The following C16orf46 variants were observed in gnomAD, a reference collection of about 807,000 sequenced individuals.
C16orf46 encodes the protein chromosome 16 open reading frame 46, also known as uncharacterized protein C16orf46.
In C16orf46, 7 loss-of-function variants were observed where a neutral mutation model predicts 5.5. The ratio of observed to expected loss-of-function variants is 1.28; its 90% CI spans 0.73 to 2.40. The LOEUF is 2.40. Among genes scored for constraint, C16orf46 ranks in the 30% most tolerant of loss-of-function variants. The pLI is 0.00. For missense variants in C16orf46, 614 were observed against 476.0 expected, an observed-to-expected ratio of 1.29 and a Z score of -2.70; for synonymous variants, 200 against 184.1, an observed-to-expected ratio of 1.09 and a Z score of -0.70.
At chr16:81,057,695 T>TTGTTGG (rs1166900047), downstream of C16orf46, among the ~76,000 whole-genome samples, 13 of 151,730 alleles carry the variant, frequency 8.6e-5, no homozygotes, top group Admixed American at 8.5e-4. Context: ...GTTGTTGTTG[T>TTGTTGG]TTTTCACATT....
In C16orf46 at chr16:81,061,768, T is replaced by G; in HGVS notation, c.581A>C (p.His194Pro). The change falls in exon 4 of 4, where the codon CAC becomes CCC. Residue 194 changes from histidine (H) to proline (P), a missense_variant. Physicochemically the swap from His to Pro is moderately conservative, Grantham distance 77. Coordinates refer to ENST00000299578, the MANE Select transcript of C16orf46 (RefSeq NM_152337.3). ...GGGGCCTGGGATGGACAGCCCTCTG[T>G]GGGCCCCTCCACTGGGATTCCCAGA... ...KASGNPSGGA[H>P]RGLSIPGPLT... The G allele has an allele frequency of 1.2e-6, 2 of 1,613,822 alleles. No homozygotes were observed. The highest frequency in any genetic ancestry group is 2.2e-5 in the South Asian group (2 of 91,074).
intron 2 of C16orf46, among the ~76,000 whole-genome samples, chr16:81,065,139 C>T (rs983391668): frequency 6.6e-6 from 1 of 152,116 alleles, no homozygotes; most frequent in Non-Finnish European, 1.5e-5. Flanking sequence ...GTCCCTTGAG[C>T]GATGACTTAC....
intron 2 of C16orf46, among the ~76,000 whole-genome samples, chr16:81,065,699 C>T (rs886790895): frequency 1.3e-5 from 2 of 152,146 alleles, no homozygotes; most frequent in Admixed American, 6.5e-5. Flanking sequence ...CTCAGCCAGA[C>T]GTGACCCATG....
chr16:81,071,721 TA>T (rs368847293), intron 1 of C16orf46, among the ~76,000 whole-genome samples: 12 of 150,174 alleles, frequency 8.0e-5, no homozygotes, highest in Non-Finnish European at 1.3e-4. Flanking sequence ...ACCCCAAAAA[TA>T]AAAAAAAATT....
chr16:81,063,634 G>A, intron 3 of C16orf46, 112 bp downstream of exon 3: 1 of 869,382 alleles, frequency 1.2e-6, no homozygotes. Context: ...GTTTCTACAT[G>A]TCATTGATTC....
chr16:81,063,613 T>C (rs572233006), intron 3 of C16orf46, 133 bp downstream of exon 3: 14 of 739,848 alleles, frequency 1.9e-5, no homozygotes, highest in Non-Finnish European at 2.6e-5. Flanking sequence ...ATATTTTACC[T>C]CAATTCCAGG....
intron 1 of C16orf46, among the ~76,000 whole-genome samples, chr16:81,069,227 C>T (rs905661284): frequency 6.6e-6 from 1 of 152,164 alleles, no homozygotes; most frequent in Non-Finnish European, 1.5e-5. Context: ...TCAGTCTCGA[C>T]TACCTAGCAT....
At chr16:81,068,633 C>G (rs997345852) in intron 1 of C16orf46, among the ~76,000 whole-genome samples, 6 of 149,022 alleles carry the variant, frequency 4.0e-5, no homozygotes, top group Non-Finnish European at 7.4e-5. Context: ...CTCCTGGCCT[C>G]AAGTGATCCT....
At chr16:81,077,100 TG>T (rs1972069055) in intron 1 of C16orf46, 35 bp downstream of exon 1, 1 of 152,414 alleles carries the variant, frequency 6.6e-6, no homozygotes, top group Non-Finnish European at 1.5e-5. Flanking sequence ...TCCCGGGCCT[TG>T]CCCCAGGGGT....
chr16:81,057,531 T>A (rs1417893199), downstream of C16orf46, among the ~76,000 whole-genome samples: 2 of 92,368 alleles, frequency 2.2e-5, no homozygotes, highest in African/African-American at 7.8e-5. Context: ...AGAGGAAGAC[T>A]CTGTCTCAAA....
chr16:81,068,868 A>AT (rs1030006385), intron 1 of C16orf46, among the ~76,000 whole-genome samples: 2 of 151,004 alleles, frequency 1.3e-5, no homozygotes, highest in East Asian at 1.9e-4. Flanking sequence ...CGCCCGGCTA[A>AT]TTTTTTTTGT....
chr16:81,058,270 A>G (rs1227249390), downstream of C16orf46, among the ~76,000 whole-genome samples: 2 of 152,162 alleles, frequency 1.3e-5, no homozygotes, highest in African/African-American at 4.8e-5. Flanking sequence ...AAAAAGGAAG[A>G]TGGTTCTTAT....
intron 1 of C16orf46, among the ~76,000 whole-genome samples, chr16:81,075,863 G>C (rs559447975): frequency 6.6e-6 from 1 of 152,272 alleles, no homozygotes; most frequent in African/African-American, 2.4e-5. Flanking sequence ...CCAAGGCCCA[G>C]GGTATTAAGT....
At chr16:81,060,830 C>T (rs568463093), downstream of C16orf46, 2 of 339,910 alleles carry the variant, frequency 5.9e-6, no homozygotes, top group Non-Finnish European at 9.3e-6. Context: ...TTGGATTCCC[C>T]ACTTTCTGCG....
chr16:81,076,936 G>A (rs998351746), intron 1 of C16orf46, 200 bp downstream of exon 1: 1 of 152,138 alleles, frequency 6.6e-6, no homozygotes, highest in African/African-American at 2.4e-5. Flanking sequence ...CACCCTTAAA[G>A]GGTTCCGCTC....
At chr16:81,067,216 A>G (rs1046225038) in intron 1 of C16orf46, among the ~76,000 whole-genome samples, 1 of 152,230 alleles carries the variant, frequency 6.6e-6, no homozygotes, top group African/African-American at 2.4e-5. Context: ...AGACAGATAC[A>G]AAAAGGAAAT....
chr16:81,062,878 GCT>G (rs1971534352), intron 3 of C16orf46, among the ~76,000 whole-genome samples: 1 of 36,224 alleles, frequency 2.8e-5, no homozygotes, highest in African/African-American at 5.0e-5. Flanking sequence ...ATAGTTTTAT[GCT>G]TTTTTTTTTT....
chr16:81,063,882 G>A lies in C16orf46; in HGVS notation c.74C>T (p.Thr25Ile). The change falls in exon 3 of 4, where the codon ACA (threonine) becomes ATA (isoleucine). Residue 25 changes from threonine to isoleucine, a missense_variant. Thr to Ile is a moderately conservative substitution (Grantham distance 89, BLOSUM62 -1). Transcript: ENST00000299578. Reference protein sequence around the residue: ...ENNEIQFTEETEPTYTCPDGK... With the variant: ...ENNEIQFTEEIEPTYTCPDGK... ...ATCTGGACAAGTATAGGTTGGTTCT[G>A]TTTCTTCTGTGAACTGAATTTCATT... 21 of 1,613,548 alleles carry A rather than the reference G, an allele frequency of 1.3e-5. No homozygotes were observed. Among genetic ancestry groups the A allele is most frequent in the Non-Finnish European group, 1.7e-5 (20 of 1,179,706 alleles).
At chr16:81,075,627 C>T (rs962308183) in intron 1 of C16orf46, among the ~76,000 whole-genome samples, 1 of 152,146 alleles carries the variant, frequency 6.6e-6, no homozygotes, top group Non-Finnish European at 1.5e-5. Flanking sequence ...CAACTCCAAA[C>T]TAGTGGCTAC....
Sources: gnomAD v4.1 joint callset for allele counts (sites outside exome capture counted in the v4.1 genomes callset) on GRCh38, gnomAD v4.1.1 for gene constraint, MANE v1.5 for transcripts, NCBI Gene and HGNC (gene_info 2026-07-23, HGNC 2026-07-21) for gene names.